Variants in DENND1A observed in about 807,000 individuals in gnomAD.
DENND1A encodes DENN domain containing 1A.
A neutral mutation model predicts 113.7 loss-of-function variants in DENND1A; 51 were observed. The ratio of observed to expected loss-of-function variants is 0.45; its 90% confidence interval spans 0.36 to 0.57. The LOEUF is 0.57. Ranked by LOEUF, DENND1A falls within the 20% of genes least tolerant of loss-of-function variation. The pLI, the probability that DENND1A is intolerant of heterozygous loss-of-function variation, is 0.00. For missense variants in DENND1A, 1,258 were observed against 1,395.9 expected (o/e 0.90, Z 1.57); for synonymous variants, 565 against 570.8 (o/e 0.99, Z 0.14).
At chr9:123,785,766 G>A (rs536884909) in intron 3 of DENND1A, among the ~76,000 whole-genome samples, 4 of 152,306 alleles carry the variant, frequency 2.6e-5, no homozygotes, top group Admixed American at 2.0e-4. Flanking sequence ...CTCTTAGGCC[G>A]AATAGTCTAA....
intron 10 of DENND1A, among the ~76,000 whole-genome samples, chr9:123,626,257 G>A (rs1357222961): frequency 6.6e-6 from 1 of 152,054 alleles, no homozygotes; most frequent in African/African-American, 2.4e-5. Context: ...GTCTCTCCCT[G>A]TGGAAGACCC....
rs555131797 is a variant in DENND1A at position 123,383,601 on chromosome 9, C to T, written c.2019+54G>A. ...CCACTGTCACATGGGGATCCCACCT[C>T]GTGTGCGGACAGTGCCGGCCCCCGG... On this transcript the variant is annotated intron_variant, in intron 23 of 23. Transcript: ENST00000394215. The T allele has an allele frequency of 2.2e-4, 348 of 1,572,734 alleles. 1 individual carries two copies. The highest frequency in any genetic ancestry group is 2.6e-4 in the Non-Finnish European group (301 of 1,159,324).
chr9:123,391,885 G>T (rs768633178), intron 21 of DENND1A, among the ~76,000 whole-genome samples: 12 of 152,042 alleles, frequency 7.9e-5, no homozygotes, highest in Non-Finnish European at 1.8e-4. Flanking sequence ...GAAAAGGCAG[G>T]TTGCGGCAAA....
intron 8 of DENND1A, among the ~76,000 whole-genome samples, chr9:123,662,806 A>C (rs990011190): frequency 6.6e-6 from 1 of 152,240 alleles, no homozygotes; most frequent in Non-Finnish European, 1.5e-5. Context: ...ATTTAATGTA[A>C]AAATTTTCTA....
At chr9:123,821,563 C>T (rs1838476197) in intron 2 of DENND1A, among the ~76,000 whole-genome samples, 1 of 152,180 alleles carries the variant, frequency 6.6e-6, no homozygotes. Flanking sequence ...ATTATTTGAA[C>T]ATTTGCCATT....
At chr9:123,622,107 C>T (rs934677700) in intron 10 of DENND1A, among the ~76,000 whole-genome samples, 3 of 152,158 alleles carry the variant, frequency 2.0e-5, no homozygotes, top group African/African-American at 7.2e-5. Context: ...AATGTAAAAT[C>T]GAAACCTTCA....
chr9:123,454,862 T>A (rs1049291738), intron 15 of DENND1A, 83 bp from the exon 16 acceptor site: 9 of 1,340,560 alleles, frequency 6.7e-6, no homozygotes, highest in Non-Finnish European at 9.4e-6. Context: ...TTTTTTTTTT[T>A]TTTGAGATGG....
At position 123,565,502 on chromosome 9, in the gene DENND1A, T is replaced by G. The variant is rs966641268; in HGVS notation, c.868-7807A>C. Among the ~76,000 whole-genome samples, 3 of 152,230 alleles carry G rather than the reference T, an allele frequency of 2.0e-5. No homozygotes were observed. In the East Asian group the frequency reaches 5.8e-4, roughly 29 times the overall value. On this transcript the variant is annotated intron_variant, in intron 12 of 23. Transcript: ENST00000394215. ...ATTTTTTATTATTATTATTACAAAT[T>G]AGACACACAGCAGCAGGTGTGGAGG... is the stretch of plus-strand genomic sequence containing the variant.
intron 13 of DENND1A, among the ~76,000 whole-genome samples, chr9:123,553,171 C>G (rs918977167): frequency 6.6e-6 from 1 of 152,158 alleles, no homozygotes; most frequent in Non-Finnish European, 1.5e-5. Flanking sequence ...GTGGGAGGAT[C>G]ACTTCAGCCT....
intron 17 of DENND1A, among the ~76,000 whole-genome samples, chr9:123,451,596 G>A (rs2047721829): frequency 6.6e-6 from 1 of 152,128 alleles, no homozygotes; most frequent in Non-Finnish European, 1.5e-5. Context: ...AACTGCAAAG[G>A]AGCTGCTTTA....
At chr9:123,832,409 C>G (rs538158918) in intron 2 of DENND1A, among the ~76,000 whole-genome samples, 1 of 152,144 alleles carries the variant, frequency 6.6e-6, no homozygotes, top group Admixed American at 6.5e-5. Flanking sequence ...GCAAGAGGAG[C>G]TCACACAGCA....
At chr9:123,825,811 T>C (rs1310857655) in intron 2 of DENND1A, among the ~76,000 whole-genome samples, 1 of 152,274 alleles carries the variant, frequency 6.6e-6, no homozygotes, top group African/African-American at 2.4e-5. Context: ...AAATTATACA[T>C]CCTTGCCTGT....
intron 1 of DENND1A, among the ~76,000 whole-genome samples, chr9:123,909,092 G>A (rs907558085): frequency 6.6e-5 from 10 of 151,924 alleles, no homozygotes; most frequent in East Asian, 1.9e-4. Context: ...GTAAACTATC[G>A]CAAGAACAAA....
In DENND1A at chr9:123,517,002, A is replaced by T. The variant is rs138729302; in HGVS notation, c.993+40568T>A. Among the ~76,000 whole-genome samples, 86 of 151,768 alleles carry T rather than the reference A, an allele frequency of 5.7e-4. 1 individual carries two copies. Among genetic ancestry groups the T allele is most frequent in the Middle Eastern group, 3.4e-3 (1 of 292 alleles). The stretch of plus-strand genomic sequence containing the variant: ...TAAAAATAATCATATCCTTTAATCC[A>T]GAACTGGAATTGCTGGGAATTTAGT... On this transcript the variant is annotated intron_variant, in intron 13 of 23. Coordinates refer to ENST00000394215, the MANE Select transcript of DENND1A (RefSeq NM_001352964.2).
intron 19 of DENND1A, chr9:123,413,303 A>G (rs2044459087): frequency 1.8e-6 from 1 of 546,638 alleles, no homozygotes; most frequent in Non-Finnish European, 2.3e-6. Flanking sequence ...TTGAAATAAT[A>G]TTTTGGATAT....
chr9:123,516,884 C>CAAAAAAAAAAAAAAAAAAAAAAAAAAAAA (rs546001517), intron 13 of DENND1A, among the ~76,000 whole-genome samples: 5 of 93,418 alleles, frequency 5.4e-5, no homozygotes, highest in East Asian at 2.7e-4. Flanking sequence ...GACTCTGTCT[C>CAAAAAAAAAAAAAAAAAAAAAAAAAAAAA]AAAAAAAAAA....
chr9:123,693,172 A>T (rs1297100375), intron 5 of DENND1A, among the ~76,000 whole-genome samples: 1 of 152,240 alleles, frequency 6.6e-6, no homozygotes, highest in Non-Finnish European at 1.5e-5. Flanking sequence ...ATGAATCCAT[A>T]CAACATTTCC....
Position 123,630,073 on chromosome 9 carries a change from C to A in DENND1A, c.719+303G>T, listed in dbSNP as rs147069428. Among the ~76,000 whole-genome samples the A allele has an allele frequency of 2.5e-3, 377 of 152,192 alleles. 1 individual carries two copies. The highest frequency in any genetic ancestry group is 8.7e-3 in the African/African-American group (360 of 41,522). On this transcript the variant is annotated intron_variant, in intron 10 of 23. Transcript: ENST00000394215. ...TTATTATTATTGAGACAGAGTCTCA[C>A]TCTGTTGCCCGGGATGGAGTGCAGT...
intron 13 of DENND1A, among the ~76,000 whole-genome samples, chr9:123,557,162 A>G (rs2057465695): frequency 6.6e-6 from 1 of 152,228 alleles, no homozygotes; most frequent in African/African-American, 2.4e-5. Context: ...CTCCGGGGCC[A>G]TCTGGCTTTT....
Sources: allele counts gnomAD v4.1 joint callset (sites outside exome capture counted in the v4.1 genomes callset), GRCh38; gene constraint gnomAD v4.1.1; transcripts MANE v1.5; gene names NCBI Gene and HGNC (gene_info 2026-07-23, HGNC 2026-07-21).